Variants in SLC4A4 observed in about 807,000 individuals in gnomAD.
SLC4A4 encodes electrogenic sodium bicarbonate cotransporter 1.
A neutral mutation model predicts 111.5 loss-of-function variants in SLC4A4; 27 were observed. The ratio of observed to expected loss-of-function variants is 0.24; its 90% confidence interval spans 0.18 to 0.33. SLC4A4 has a LOEUF of 0.33. SLC4A4 is among the 10% of genes least tolerant of loss of function. SLC4A4 has a pLI of 1.00. For missense variants in SLC4A4, 909 were observed against 1,315.5 expected, an observed-to-expected ratio of 0.69 and a Z score of 4.78; for synonymous variants, 443 against 463.4, an observed-to-expected ratio of 0.96 and a Z score of 0.57.
At chr4:71,531,121 G>A (rs1373360658) in intron 16 of SLC4A4, among the ~76,000 whole-genome samples, 1 of 152,090 alleles carries the variant, frequency 6.6e-6, no homozygotes, top group Non-Finnish European at 1.5e-5. Context: ...CACCGTATGG[G>A]AAGCTCAGGT....
At chr4:71,228,141 C>T (rs1719171235) in intron 1 of SLC4A4, among the ~76,000 whole-genome samples, 1 of 152,184 alleles carries the variant, frequency 6.6e-6, no homozygotes, top group African/African-American at 2.4e-5. Flanking sequence ...TTTCACCTTC[C>T]CTGGTCTCTG....
intron 6 of SLC4A4, among the ~76,000 whole-genome samples, chr4:71,383,478 C>T (rs913104306): frequency 6.6e-6 from 1 of 152,180 alleles, no homozygotes; most frequent in Admixed American, 6.5e-5. Flanking sequence ...CAACCCCCAC[C>T]TCAGGATATG....
chr4:71,436,148 G>A (rs766640303), intron 7 of SLC4A4, among the ~76,000 whole-genome samples: 5 of 152,090 alleles, frequency 3.3e-5, no homozygotes, highest in Non-Finnish European at 7.3e-5. Flanking sequence ...GCAAAGACTG[G>A]GAACCAATCC....
chr4:71,489,303 G>A (rs10805085), intron 15 of SLC4A4, among the ~76,000 whole-genome samples: 108,619 of 151,588 alleles, frequency 0.72, 40,003 homozygotes, highest in Non-Finnish European at 0.82. Flanking sequence ...CCTTATTTCT[G>A]TCCTTTCAGG....
chr4:71,381,068 T>C (rs1437018057), intron 6 of SLC4A4, among the ~76,000 whole-genome samples: 1 of 152,138 alleles, frequency 6.6e-6, no homozygotes, highest in Non-Finnish European at 1.5e-5. Flanking sequence ...GTGATCAGCT[T>C]TTGCCTCAGA....
At chr4:71,265,426 G>A (rs1477427739) in intron 3 of SLC4A4, among the ~76,000 whole-genome samples, 5 of 152,124 alleles carry the variant, frequency 3.3e-5, no homozygotes, top group Admixed American at 6.6e-5. Context: ...GCCAGTCACA[G>A]GGAATAGAGG....
intron 7 of SLC4A4, among the ~76,000 whole-genome samples, chr4:71,400,448 C>T (rs904570547): frequency 2.6e-5 from 4 of 151,998 alleles, no homozygotes; most frequent in Non-Finnish European, 4.4e-5. Flanking sequence ...TTAGATGAAG[C>T]GAGGAAAATT....
chr4:71,176,981 T>C (rs562937753), intron 2 of SLC4A4, among the ~76,000 whole-genome samples: 4 of 152,322 alleles, frequency 2.6e-5, no homozygotes, highest in East Asian at 3.9e-4. Flanking sequence ...GCTGATCTCT[T>C]GGCAGAAACT....
chr4:71,354,125 G>A (rs4593098), intron 5 of SLC4A4, among the ~76,000 whole-genome samples: 151,296 of 152,314 alleles, frequency 0.99, 75,148 homozygotes, highest in Middle Eastern at 1. Context: ...GTAATTCTAC[G>A]TTTAAAGAGT....
chr4:71,252,993 C>T (rs570119855), intron 2 of SLC4A4, among the ~76,000 whole-genome samples: 27 of 152,184 alleles, frequency 1.8e-4, no homozygotes, highest in African/African-American at 6.5e-4. Flanking sequence ...CACCATAGCA[C>T]TTCACAGTGC....
At chr4:71,418,647 A>T (rs1400118031) in intron 7 of SLC4A4, among the ~76,000 whole-genome samples, 1 of 152,212 alleles carries the variant, frequency 6.6e-6, no homozygotes, top group African/African-American at 2.4e-5. Flanking sequence ...GGCAATCAGC[A>T]TTTCCATTAA....
intron 3 of SLC4A4, among the ~76,000 whole-genome samples, chr4:71,292,178 A>G (rs182157250): frequency 7.4e-4 from 112 of 152,348 alleles, no homozygotes; most frequent in African/African-American, 2.5e-3. Context: ...AATACGGTCT[A>G]ACTTAGGTGT....
At chr4:71,539,692 A>T (rs1734869822) in intron 18 of SLC4A4, among the ~76,000 whole-genome samples, 1 of 152,168 alleles carries the variant, frequency 6.6e-6, no homozygotes, top group Admixed American at 6.5e-5. Flanking sequence ...TCTGTGGCAC[A>T]GATCACATAT....
intron 13 of SLC4A4, among the ~76,000 whole-genome samples, chr4:71,466,966 G>GAGAGA (rs369970583): frequency 0.16 from 13,950 of 86,628 alleles, 2,339 homozygotes; most frequent in Non-Finnish European, 0.21. Context: ...AGAGAGAGAG[G>GAGAGA]GAGAGAGAGA....
chr4:71,535,082 A>G (rs1247725255), intron 18 of SLC4A4, among the ~76,000 whole-genome samples: 1 of 152,124 alleles, frequency 6.6e-6, no homozygotes, highest in African/African-American at 2.4e-5. Flanking sequence ...TGAGATATGA[A>G]TGGTAACAAT....
chr4:71,311,906 A>C (rs1227891082), intron 3 of SLC4A4, among the ~76,000 whole-genome samples: 8 of 150,942 alleles, frequency 5.3e-5, no homozygotes, highest in African/African-American at 1.5e-4. Flanking sequence ...AGAGAGAGAG[A>C]GAGAGAGAGA....
intron 1 of SLC4A4, among the ~76,000 whole-genome samples, chr4:71,234,464 C>T (rs533239811): frequency 1.6e-4 from 25 of 152,218 alleles, no homozygotes; most frequent in Non-Finnish European, 3.1e-4. Flanking sequence ...CTCACTCTTT[C>T]GCCCAGGCTG....
intron 16 of SLC4A4, among the ~76,000 whole-genome samples, chr4:71,524,037 C>T (rs921907493): frequency 6.6e-6 from 1 of 152,084 alleles, no homozygotes; most frequent in African/African-American, 2.4e-5. Flanking sequence ...CTTTCCGTAG[C>T]CTCTGTCCAC....
intron 7 of SLC4A4, among the ~76,000 whole-genome samples, chr4:71,418,718 A>G (rs988715893): frequency 5.9e-5 from 9 of 152,256 alleles, no homozygotes; most frequent in African/African-American, 2.2e-4. Context: ...TGACACCAAA[A>G]GAGTCCTATC....
Sources: gnomAD v4.1 joint callset for allele counts (sites outside exome capture counted in the v4.1 genomes callset) on GRCh38, gnomAD v4.1.1 for gene constraint, MANE v1.5 for transcripts, NCBI Gene and HGNC (gene_info 2026-07-23, HGNC 2026-07-21) for gene names.